The following ATXN1 variants were observed in gnomAD, a reference collection of about 807,000 sequenced individuals.
ATXN1 encodes the protein ataxin 1.
In ATXN1, 8 loss-of-function variants were observed where a neutral mutation model predicts 56.4. The ratio of observed to expected loss-of-function variants is 0.14; its 90% CI spans 0.08 to 0.26. The LOEUF is 0.26. ATXN1 is among the 10% of genes least tolerant of loss of function. ATXN1 has a pLI of 1.00. For missense variants in ATXN1, 987 were observed against 1,106.5 expected, an observed-to-expected ratio of 0.89 and a Z score of 1.53; for synonymous variants, 514 against 494.6, an observed-to-expected ratio of 1.04 and a Z score of -0.52.
At chr6:16,553,113 G>A (rs1308005077) in intron 4 of ATXN1, among the ~76,000 whole-genome samples, 1 of 152,178 alleles carries the variant, frequency 6.6e-6, no homozygotes, top group Non-Finnish European at 1.5e-5. Flanking sequence ...CCCTGCCATG[G>A]CCCTTCCAGC....
At chr6:16,686,205 G>A (rs1266482977) in intron 2 of ATXN1, among the ~76,000 whole-genome samples, 1 of 152,078 alleles carries the variant, frequency 6.6e-6, no homozygotes, top group Non-Finnish European at 1.5e-5. Flanking sequence ...ATTATTTATA[G>A]TCATCCCAAA....
chr6:16,384,025 C>G (rs1034981693), intron 6 of ATXN1, among the ~76,000 whole-genome samples: 2 of 152,202 alleles, frequency 1.3e-5, no homozygotes, highest in Admixed American at 6.5e-5. Context: ...AATGTGTTCT[C>G]TCTGTACCCT....
chr6:16,545,720 C>T (rs13206084), intron 4 of ATXN1, among the ~76,000 whole-genome samples: 19,650 of 152,124 alleles, frequency 0.13, 1,373 homozygotes, highest in Admixed American at 0.15. Flanking sequence ...AGAAGAGTTG[C>T]TGCATTTTGT....
At chr6:16,405,826 C>T (rs1393896811) in intron 6 of ATXN1, among the ~76,000 whole-genome samples, 4 of 152,096 alleles carry the variant, frequency 2.6e-5, no homozygotes, top group Non-Finnish European at 4.4e-5. Context: ...AATCAGTGCT[C>T]AGCTGAAGAC....
At chr6:16,718,130 A>T (rs1036790218) in intron 2 of ATXN1, among the ~76,000 whole-genome samples, 9 of 152,274 alleles carry the variant, frequency 5.9e-5, no homozygotes, top group African/African-American at 2.2e-4. Flanking sequence ...TTCTTTAAAA[A>T]ATCTAAATCA....
At chr6:16,599,404 T>C (rs1227887365) in intron 3 of ATXN1, among the ~76,000 whole-genome samples, 1 of 152,020 alleles carries the variant, frequency 6.6e-6, no homozygotes, top group Non-Finnish European at 1.5e-5. Flanking sequence ...TCTATCATTG[T>C]TATTCATTAA....
In ATXN1 at chr6:16,706,415, G is replaced by A. The variant is rs76626055; in HGVS notation, c.-615+46818C>T. 2.3e-3 allele frequency among the ~76,000 whole-genome samples: 355 copies of A among 152,274 alleles called. 2 individuals carry two copies. Among genetic ancestry groups the A allele is most frequent in the Middle Eastern group, 3.4e-3 (1 of 294 alleles). On this transcript the variant is annotated intron_variant, in intron 2 of 7. Transcript: ENST00000436367. ...GGAGAAAGAGAACGAGAGGCAGAGA[G>A]AAAGAAAGAGATCTTAAAGGAAGAG...
At chr6:16,316,608 G>C (rs116527646) in intron 7 of ATXN1, among the ~76,000 whole-genome samples, 1 of 152,000 alleles carries the variant, frequency 6.6e-6, no homozygotes, top group South Asian at 2.1e-4. Flanking sequence ...TTAGCCAGGC[G>C]TGGGAGCAGG....
rs979993628 is a variant in ATXN1, at chr6:16,334,643, G to A, written c.-160-6173C>T. 3.9e-5 allele frequency among the ~76,000 whole-genome samples: 6 copies of A among 152,282 alleles called. No individual in the cohort carries two copies. The East Asian group carries it at 1.2e-3, about 29-fold the overall frequency. ...AAGGCAGGAGGATTGCTTGAGCCCA[G>A]GAGGTTGAGGCTGCAGTGAGCCATG... On this transcript the variant is annotated intron_variant, in intron 6 of 7. Transcript: ENST00000436367.
intron 6 of ATXN1, among the ~76,000 whole-genome samples, chr6:16,400,980 C>G (rs1384003047): frequency 6.6e-6 from 1 of 152,126 alleles, no homozygotes; most frequent in Non-Finnish European, 1.5e-5. Flanking sequence ...AGGACTTACT[C>G]TGATATTATA....
intron 6 of ATXN1, among the ~76,000 whole-genome samples, chr6:16,396,616 G>C (rs1280617790): frequency 1.3e-5 from 2 of 152,146 alleles, no homozygotes; most frequent in Non-Finnish European, 2.9e-5. Context: ...AACAAACTTA[G>C]TGTAGCCTAA....
chr6:16,656,788 T>C (rs920832949), intron 3 of ATXN1, among the ~76,000 whole-genome samples: 1 of 152,124 alleles, frequency 6.6e-6, no homozygotes, highest in Non-Finnish European at 1.5e-5. Flanking sequence ...CACAGAGTAC[T>C]TTCACAGGCC....
chr6:16,449,152 A>G (rs1759693926), intron 6 of ATXN1, among the ~76,000 whole-genome samples: 1 of 152,038 alleles, frequency 6.6e-6, no homozygotes. Flanking sequence ...TTTTTTAAAC[A>G]TATAAACTTA....
At chr6:16,586,339 C>A (rs1762624075) in intron 3 of ATXN1, among the ~76,000 whole-genome samples, 1 of 152,222 alleles carries the variant, frequency 6.6e-6, no homozygotes, top group Non-Finnish European at 1.5e-5. Flanking sequence ...CTTCTAGCCA[C>A]AAAATTATGC....
At chr6:16,647,842 G>A (rs774567504) in intron 3 of ATXN1, among the ~76,000 whole-genome samples, 1 of 152,200 alleles carries the variant, frequency 6.6e-6, no homozygotes, top group Non-Finnish European at 1.5e-5. Context: ...TTGGGAGGCT[G>A]AGACGGGTGG....
At chr6:16,724,451 C>G (rs952173132) in intron 2 of ATXN1, among the ~76,000 whole-genome samples, 4 of 152,106 alleles carry the variant, frequency 2.6e-5, no homozygotes, top group African/African-American at 9.7e-5. Flanking sequence ...GTGTTCACCC[C>G]TGAGAGACGA....
At chr6:16,689,510 C>CTTT (rs371753662) in intron 2 of ATXN1, among the ~76,000 whole-genome samples, 322 of 126,896 alleles carry the variant, frequency 2.5e-3, no homozygotes, top group African/African-American at 8.5e-3. Flanking sequence ...CTTTTTTTTT[C>CTTT]TTTTTTTTTT....
chr6:16,628,507 T>C (rs1337687564), intron 3 of ATXN1, among the ~76,000 whole-genome samples: 2 of 152,248 alleles, frequency 1.3e-5, no homozygotes, highest in African/African-American at 4.8e-5. Context: ...TGTGCAGGTT[T>C]ATTAAATAGA....
At chr6:16,396,058 G>A (rs1336665276) in intron 6 of ATXN1, among the ~76,000 whole-genome samples, 3 of 138,830 alleles carry the variant, frequency 2.2e-5, no homozygotes, top group Non-Finnish European at 4.6e-5. Flanking sequence ...ACTGTAAACA[G>A]CCTCAGGCAG....
Sources: gnomAD v4.1 joint callset for allele counts (sites outside exome capture counted in the v4.1 genomes callset) on GRCh38, gnomAD v4.1.1 for gene constraint, MANE v1.5 for transcripts, NCBI Gene and HGNC (gene_info 2026-07-23, HGNC 2026-07-21) for gene names.